The following WDR70 variants were observed in gnomAD, a reference collection of about 807,000 sequenced individuals.
WDR70 encodes WD repeat-containing protein 70.
Under a neutral mutation model 88.6 loss-of-function variants are expected in WDR70, and 53 were observed. The observed-to-expected ratio is 0.60, with a 90% CI of 0.48 to 0.75. WDR70 has a LOEUF of 0.75. WDR70 is among the 30% of genes least tolerant of loss of function. WDR70 has a pLI of 0.00. For missense variants in WDR70, 610 were observed against 823.2 expected, an observed-to-expected ratio of 0.74 and a Z score of 3.17; for synonymous variants, 280 against 270.0, an observed-to-expected ratio of 1.04 and a Z score of -0.36.
At chr5:37,600,456 G>A (rs1394305725) in intron 9 of WDR70, among the ~76,000 whole-genome samples, 1 of 151,462 alleles carries the variant, frequency 6.6e-6, no homozygotes, top group Non-Finnish European at 1.5e-5. Flanking sequence ...GAACCCGCAA[G>A]GCGGAGCTTG....
chr5:37,518,959 A>G (rs1474033264), intron 9 of WDR70, among the ~76,000 whole-genome samples: 1 of 151,906 alleles, frequency 6.6e-6, no homozygotes, highest in Non-Finnish European at 1.5e-5. Context: ...AATCCATTTA[A>G]CCCTGAGTTG....
At chr5:37,395,381 C>T (rs555036136) in intron 4 of WDR70, among the ~76,000 whole-genome samples, 95 of 152,142 alleles carry the variant, frequency 6.2e-4, no homozygotes, top group African/African-American at 2.2e-3. Context: ...ATCCTGAAGC[C>T]GTGGTTTTTA....
chr5:37,482,791 A>G (rs1227035842), intron 8 of WDR70, among the ~76,000 whole-genome samples: 4 of 152,214 alleles, frequency 2.6e-5, no homozygotes, highest in Non-Finnish European at 4.4e-5. Context: ...GGTGAATGGC[A>G]AAATCAAACA....
intron 10 of WDR70, among the ~76,000 whole-genome samples, chr5:37,679,254 G>T (rs1398334486): frequency 2.6e-5 from 4 of 152,192 alleles, no homozygotes; most frequent in Non-Finnish European, 5.9e-5. Context: ...TCTCCGTCCA[G>T]CTTTGTTCCA....
chr5:37,563,549 C>CA (rs1742610791), intron 9 of WDR70, among the ~76,000 whole-genome samples: 1 of 48,276 alleles, frequency 2.1e-5, no homozygotes. Context: ...GCTGGCCGGG[C>CA]GGGGGGCTGA....
intron 7 of WDR70, among the ~76,000 whole-genome samples, chr5:37,468,725 C>T (rs1739236222): frequency 6.6e-6 from 1 of 152,036 alleles, no homozygotes; most frequent in Admixed American, 6.6e-5. Flanking sequence ...ATTAAGCCAT[C>T]CAAGGATTGG....
At chr5:37,641,516 A>T (rs577080872) in intron 10 of WDR70, among the ~76,000 whole-genome samples, 9 of 150,624 alleles carry the variant, frequency 6.0e-5, no homozygotes, top group African/African-American at 2.2e-4. Context: ...TCATGGGTTC[A>T]AGTGATTATC....
At chr5:37,577,860 C>G (rs1312762395) in intron 9 of WDR70, among the ~76,000 whole-genome samples, 1 of 152,116 alleles carries the variant, frequency 6.6e-6, no homozygotes, top group Non-Finnish European at 1.5e-5. Flanking sequence ...AGAATTGCAG[C>G]CCAGGTGATG....
At chr5:37,422,992 G>C (rs1402295209) in intron 5 of WDR70, among the ~76,000 whole-genome samples, 2 of 152,106 alleles carry the variant, frequency 1.3e-5, no homozygotes, top group African/African-American at 4.8e-5. Context: ...TGCTACCAAG[G>C]TGGTGGAGAG....
chr5:37,709,272 G>A (rs977175105), intron 13 of WDR70, among the ~76,000 whole-genome samples: 1 of 152,168 alleles, frequency 6.6e-6, no homozygotes, highest in Non-Finnish European at 1.5e-5. Flanking sequence ...TGGTTGACTA[G>A]GGAATAGCAT....
chr5:37,449,507 G>A (rs1474700960), intron 7 of WDR70, among the ~76,000 whole-genome samples: 4 of 150,748 alleles, frequency 2.7e-5, no homozygotes, highest in South Asian at 2.1e-4. Flanking sequence ...CAAGAGAATC[G>A]CTTGAACCCA....
chr5:37,721,446 G>T (rs1320916467), intron 14 of WDR70: 2 of 553,544 alleles, frequency 3.6e-6, no homozygotes, highest in Non-Finnish European at 6.5e-6. Flanking sequence ...GGAATTTGCA[G>T]TTGTTTAGCT....
At position 37,546,916 on chromosome 5, in the gene WDR70, C is replaced by CAA. The variant is rs781701234; in HGVS notation, c.917+30339_917+30340dup. 2.2e-3 allele frequency among the ~76,000 whole-genome samples: 290 copies of CAA among 134,412 alleles called. 2 individuals carry two copies. The highest frequency in any genetic ancestry group is 7.4e-3 in the African/African-American group (269 of 36,308). 88.2% of individuals were successfully genotyped at this position (134,412 alleles called of 152,430 possible). A position where few individuals can be genotyped will look rare whatever the true frequency, so the allele number is the denominator to read the frequency against. On this transcript the variant is annotated intron_variant, in intron 9 of 17. Coordinates refer to ENST00000265107, the MANE Select transcript of WDR70 (RefSeq NM_018034.4). Reference sequence around the variant, plus strand: ...TGGGCAACAGAGTGAGACTCTGTCTCAAAAAAAAAAAAAATTATGTATGTG... The same window carrying CAA: ...TGGGCAACAGAGTGAGACTCTGTCTCAAAAAAAAAAAAAAAATTATGTATGTG...
intron 10 of WDR70, among the ~76,000 whole-genome samples, chr5:37,647,972 G>C (rs1312035981): frequency 6.6e-6 from 1 of 152,132 alleles, no homozygotes; most frequent in Non-Finnish European, 1.5e-5. Flanking sequence ...AGAACAGCTT[G>C]GGGGAAACTA....
At chr5:37,663,856 T>C (rs1352676406) in intron 10 of WDR70, among the ~76,000 whole-genome samples, 2 of 152,196 alleles carry the variant, frequency 1.3e-5, no homozygotes, top group African/African-American at 4.8e-5. Context: ...CCTAATTCTA[T>C]CAGTTACTCC....
chr5:37,563,921 C>A (rs1742644267), intron 9 of WDR70, among the ~76,000 whole-genome samples: 1 of 140,812 alleles, frequency 7.1e-6, no homozygotes. Flanking sequence ...TCCTCACATC[C>A]CAGACGGGGC....
rs182783528 is a variant in WDR70 at position 37,382,192 on chromosome 5, C to A, written c.175+507C>A. On this transcript the variant is annotated intron_variant, in intron 3 of 17. Coordinates refer to ENST00000265107, the MANE Select transcript of WDR70 (RefSeq NM_018034.4). ...CGGCTCACTGCAGCCTCCACCTCCC[C>A]GGTTCAAGCGATTCTCCTGCCTCTG... Among the ~76,000 whole-genome samples, 1,102 of 151,756 alleles carry A rather than the reference C, an allele frequency of 7.3e-3. 18 individuals carry two copies. The highest frequency in any genetic ancestry group is 0.025 in the African/African-American group (1,039 of 41,370).
At chr5:37,493,634 C>T (rs1740132252) in intron 8 of WDR70, among the ~76,000 whole-genome samples, 1 of 152,098 alleles carries the variant, frequency 6.6e-6, no homozygotes. Context: ...GACTTCTGAC[C>T]TACGCAGCTG....
intron 9 of WDR70, among the ~76,000 whole-genome samples, chr5:37,581,327 T>C (rs932682820): frequency 6.6e-6 from 1 of 152,192 alleles, no homozygotes; most frequent in African/African-American, 2.4e-5. Context: ...CTGTATTAAG[T>C]GCTTTGTGTA....
Sources: allele counts gnomAD v4.1 joint callset (sites outside exome capture counted in the v4.1 genomes callset), GRCh38; gene constraint gnomAD v4.1.1; transcripts MANE v1.5; gene names NCBI Gene and HGNC (gene_info 2026-07-23, HGNC 2026-07-21).